The following ADCY7 variants were observed in gnomAD, a reference collection of about 807,000 sequenced individuals.
ADCY7 encodes adenylate cyclase 7.
In ADCY7, 72 loss-of-function variants were observed where a neutral mutation model predicts 120.6. The observed-to-expected ratio is 0.60, with a 90% confidence interval of 0.49 to 0.73. The LOEUF is 0.73. Among genes scored for constraint, ADCY7 ranks in the 30% least tolerant of loss-of-function variants. ADCY7 has a pLI of 0.00. For missense variants in ADCY7, 1,227 were observed against 1,486.0 expected, an observed-to-expected ratio of 0.83 and a Z score of 2.87; for synonymous variants, 661 against 628.0, an observed-to-expected ratio of 1.05 and a Z score of -0.78.
intron 1 of ADCY7, among the ~76,000 whole-genome samples, chr16:50,271,601 C>T (rs1330529929): frequency 2.0e-5 from 3 of 152,128 alleles, no homozygotes; most frequent in Admixed American, 6.5e-5. Context: ...CCTCCCAGAC[C>T]GGGCCTGACT....
chr16:50,268,687 G>A (rs11076530), intron 1 of ADCY7, among the ~76,000 whole-genome samples: 131,734 of 152,138 alleles, frequency 0.87, 60,291 homozygotes, highest in East Asian at 1. Context: ...TTGCTTGAGG[G>A]CATGGAGGTT....
intron 6 of ADCY7, among the ~76,000 whole-genome samples, chr16:50,294,233 G>A (rs1305032975): frequency 6.6e-6 from 1 of 152,162 alleles, no homozygotes; most frequent in Non-Finnish European, 1.5e-5. Flanking sequence ...CTCGATGCCT[G>A]TAAAGTGCTG....
In ADCY7 at chr16:50,315,521, T is replaced by C; in HGVS notation, c.*16T>C. The C allele has an allele frequency of 6.3e-7, 1 of 1,599,132 alleles. No individual in the cohort carries two copies. The highest frequency in any genetic ancestry group is 8.6e-7 in the Non-Finnish European group (1 of 1,167,462). On this transcript the variant is annotated 3_prime_UTR_variant, in exon 26 of 26. Coordinates refer to ENST00000673801, the MANE Select transcript of ADCY7 (RefSeq NM_001114.5). ...GCTGAACTGAGGGCTCCTGCTGGAT[T>C]CCGAAAAGGCCGGGAAGCCAGTCTC...
At chr16:50,294,289 G>A (rs569399584) in intron 6 of ADCY7, among the ~76,000 whole-genome samples, 1 of 152,308 alleles carries the variant, frequency 6.6e-6, no homozygotes, top group South Asian at 2.1e-4. Flanking sequence ...CTCTCACCAG[G>A]GAGTTCTGAA....
At position 50,300,835 on chromosome 16, in the gene ADCY7, G is replaced by T; in HGVS notation, c.1197G>T (p.Val399=). Residue 399 remains valine, a synonymous_variant, in exon 9 of 26, where the codon GTG becomes GTT. Coordinates refer to ENST00000673801, the MANE Select transcript of ADCY7 (RefSeq NM_001114.5). The stretch of plus-strand genomic sequence containing the variant: ...AGTATGACGTGTGGTCCCACGACGT[G>T]TCCCTGGCCAACCGGATGGAGGCAG... ...KWQYDVWSHD[V]SLANRMEAAG... 6.4e-7 allele frequency: 1 copy of T among 1,558,460 alleles called. No homozygotes were observed. Among genetic ancestry groups the T allele is most frequent in the Non-Finnish European group, 8.7e-7 (1 of 1,150,962 alleles).
intron 14 of ADCY7, among the ~76,000 whole-genome samples, chr16:50,306,108 C>T (rs549222435): frequency 1.2e-4 from 18 of 152,322 alleles, no homozygotes; most frequent in African/African-American, 2.9e-4. Flanking sequence ...ACTTTTGCTC[C>T]GTCCAGTGCC....
Position 50,288,143 on chromosome 16 carries a change from A to C in ADCY7, c.-37A>C. ...GCCCTCCAGGCCCTGGGGCCTCCTT[A>C]ACGGCCCCTTAACGACACGCGTGCC... On this transcript the variant is annotated 5_prime_UTR_variant, in exon 2 of 26. Coordinates refer to ENST00000673801, the MANE Select transcript of ADCY7 (RefSeq NM_001114.5). 6.6e-7 allele frequency: 1 copy of C among 1,517,024 alleles called. No individual in the cohort carries two copies. The highest frequency in any genetic ancestry group is 8.9e-7 in the Non-Finnish European group (1 of 1,127,876). 94.0% of individuals were successfully genotyped at this position (1,517,024 alleles called of 1,614,324 possible). A position where few individuals can be genotyped will look rare whatever the true frequency, so the allele number is the denominator to read the frequency against.
intron 1 of ADCY7, among the ~76,000 whole-genome samples, chr16:50,276,827 T>C (rs894640811): frequency 6.6e-6 from 1 of 152,122 alleles, no homozygotes; most frequent in Non-Finnish European, 1.5e-5. Context: ...CTTTTGGTCT[T>C]AAGCAGTCCT....
Position 50,291,629 on chromosome 16 carries a change from C to T in ADCY7, c.376-107C>T, listed in dbSNP as rs1017798048. ...CCCACGCAGGGGGTGGCGAGGGAGC[C>T]AACCTAAGGATACGCACTGGGTGGG... On this transcript the variant is annotated intron_variant, in intron 3 of 25. Transcript: ENST00000673801. 4.4e-6 allele frequency: 6 copies of T among 1,366,098 alleles called. No individual in the cohort carries two copies. In the African/African-American group the frequency reaches 7.2e-5, roughly 16 times the overall value. The allele number at this position is 1,366,098 out of a possible 1,614,324, so 84.6% of individuals were successfully genotyped here.
At chr16:50,285,074 C>T (rs2034498019) in intron 1 of ADCY7, among the ~76,000 whole-genome samples, 1 of 152,234 alleles carries the variant, frequency 6.6e-6, no homozygotes, top group South Asian at 2.1e-4. Context: ...GGAATACAGA[C>T]TGATTAGTTT....
intron 1 of ADCY7, among the ~76,000 whole-genome samples, chr16:50,260,822 C>G (rs1466769428): frequency 6.6e-6 from 1 of 152,192 alleles, no homozygotes; most frequent in African/African-American, 2.4e-5. Flanking sequence ...TGGTGTCTGG[C>G]TTCCCCTAGA....
chr16:50,313,524 G>A (rs1316060617), intron 22 of ADCY7: 6 of 188,912 alleles, frequency 3.2e-5, no homozygotes, highest in Non-Finnish European at 6.5e-5. Context: ...GTTTTATGCA[G>A]CAAATAATTC....
At chr16:50,305,699 C>A in intron 13 of ADCY7, 78 bp from the exon 14 acceptor site, 1 of 1,493,428 alleles carries the variant, frequency 6.7e-7, no homozygotes, top group South Asian at 1.1e-5. Flanking sequence ...CTTGTTCCTT[C>A]CCCCTGCCTG....
At chr16:50,292,021 C>G in intron 4 of ADCY7, 124 bp downstream of exon 4, 1 of 1,106,970 alleles carries the variant, frequency 9.0e-7, no homozygotes, top group Admixed American at 2.9e-5. Flanking sequence ...ACAGCCCGCT[C>G]CAAGGCCGGG....
At position 50,305,809 on chromosome 16, in the gene ADCY7, C is replaced by G. The variant is rs376085087; in HGVS notation, c.1712C>G (p.Thr571Ser). ...TGCTCCAAGTCCGATGACTTCTACACCTTTGGGTCCATCTTCCTGGAGAAG... is the reference window on the plus strand; with the variant it reads ...TGCTCCAAGTCCGATGACTTCTACAGCTTTGGGTCCATCTTCCTGGAGAAG... Reference protein sequence around the residue: ...PCCSKSDDFYTFGSIFLEKGF... With the variant: ...PCCSKSDDFYSFGSIFLEKGF... Residue 571 changes from threonine to serine, a missense_variant, in exon 14 of 26, where the codon ACC becomes AGC. Physicochemically the swap from Thr to Ser is moderately conservative, Grantham distance 58. This residue lies in a region of ADCY7 where 332 missense variants were observed against 455.8 expected (regional missense o/e 0.73). Coordinates refer to ENST00000673801, the MANE Select transcript of ADCY7 (RefSeq NM_001114.5). 1 of 1,613,870 alleles carries G rather than the reference C, an allele frequency of 6.2e-7. No homozygotes were observed. Among genetic ancestry groups the G allele is most frequent in the Non-Finnish European group, 8.5e-7 (1 of 1,180,022 alleles).
At chr16:50,290,006 A>G (rs2034837908) in intron 2 of ADCY7, among the ~76,000 whole-genome samples, 1 of 152,152 alleles carries the variant, frequency 6.6e-6, no homozygotes, top group Admixed American at 6.5e-5. Context: ...CCATTGCCTC[A>G]GCTCCTCCCC....
At position 50,288,255 on chromosome 16, in the gene ADCY7, C is replaced by A. The variant is rs757159174; in HGVS notation, c.76C>A (p.Gln26Lys). ...CCAAGATGCGCTCTACGAGAAGTAC[C>A]AGCTCACCAGCCAGCATGGGCCGCT... The part of the protein sequence containing the change: ...PDQDALYEKY[Q>K]LTSQHGPLLL... The change falls in exon 2 of 26, where the codon CAG becomes AAG. Residue 26 changes from glutamine (Q) to lysine (K), a missense_variant. By Grantham distance (53) the Gln-to-Lys change is moderately conservative. This residue lies in a region of ADCY7 where 382 missense variants were observed against 411.4 expected (regional missense o/e 0.93). Transcript: ENST00000673801. 1 of 1,551,270 alleles carries A rather than the reference C, an allele frequency of 6.4e-7. No homozygotes were observed. The highest frequency in any genetic ancestry group is 1.2e-5 in the South Asian group (1 of 84,042).
At chr16:50,285,551 C>G (rs922806094) in intron 1 of ADCY7, among the ~76,000 whole-genome samples, 2 of 152,198 alleles carry the variant, frequency 1.3e-5, no homozygotes, top group African/African-American at 2.4e-5. Flanking sequence ...GACCAGCTGT[C>G]CTTTGAAGCT....
intron 15 of ADCY7, among the ~76,000 whole-genome samples, chr16:50,307,465 A>C (rs572455205): frequency 4.1e-4 from 62 of 152,120 alleles, no homozygotes; most frequent in African/African-American, 1.4e-3. Context: ...GACTCTGAAA[A>C]CTGTAGGCGC....
Sources: allele counts gnomAD v4.1 joint callset (sites outside exome capture counted in the v4.1 genomes callset), GRCh38; gene constraint gnomAD v4.1.1; regional missense constraint gnomAD v4.1.1; transcripts MANE v1.5; gene names NCBI Gene and HGNC (gene_info 2026-07-23, HGNC 2026-07-21).